WWOX: variants seen among roughly 807,000 people sequenced by gnomAD.
WWOX encodes WW domain containing oxidoreductase.
A neutral mutation model predicts 46.2 loss-of-function variants in WWOX; 69 were observed. The ratio of observed to expected loss-of-function variants is 1.49; its 90% CI spans 1.23 to 1.82. The LOEUF (loss-of-function observed/expected upper bound fraction) is 1.82. Ranked by LOEUF, WWOX falls within the 40% of genes most tolerant of loss-of-function variation. WWOX has a pLI of 0.00. For synonymous variants in WWOX, 359 were observed against 202.6 expected (o/e 1.77, Z -6.56); for missense variants, 919 against 542.6 (o/e 1.69, Z -6.89).
intron 8 of WWOX, among the ~76,000 whole-genome samples, chr16:78,436,137 G>A (rs1454512956): frequency 6.6e-6 from 1 of 152,084 alleles, no homozygotes; most frequent in South Asian, 2.1e-4. Flanking sequence ...TTCCTGCCAC[G>A]ATGGCTGTTA....
chr16:78,566,070 G>T (rs578065764), intron 8 of WWOX, among the ~76,000 whole-genome samples: 1 of 152,262 alleles, frequency 6.6e-6, no homozygotes, highest in East Asian at 1.9e-4. Context: ...GGCACATTCT[G>T]TGCCTGCCTG....
chr16:78,226,699 T>C (rs1337251512), intron 5 of WWOX, among the ~76,000 whole-genome samples: 2 of 152,140 alleles, frequency 1.3e-5, no homozygotes, highest in East Asian at 1.9e-4. Flanking sequence ...TCATTTATTG[T>C]CACACTGGAT....
chr16:78,872,263 C>G (rs979492070), intron 8 of WWOX, among the ~76,000 whole-genome samples: 6 of 152,200 alleles, frequency 3.9e-5, no homozygotes, highest in African/African-American at 1.4e-4. Flanking sequence ...GAAAAGTTTA[C>G]TTAATTTCTC....
At chr16:78,151,760 G>A (rs1276677051) in intron 4 of WWOX, among the ~76,000 whole-genome samples, 1 of 152,124 alleles carries the variant, frequency 6.6e-6, no homozygotes, top group Non-Finnish European at 1.5e-5. Context: ...AAGTAGCGTC[G>A]ACATTATGAA....
At chr16:78,913,911 T>A (rs550900869) in intron 8 of WWOX, among the ~76,000 whole-genome samples, 1 of 152,172 alleles carries the variant, frequency 6.6e-6, no homozygotes, top group East Asian at 1.9e-4. Context: ...TCCTCCTGCC[T>A]TGGCCTCCCA....
chr16:78,869,188 A>G (rs1231210270), intron 8 of WWOX, among the ~76,000 whole-genome samples: 3 of 152,172 alleles, frequency 2.0e-5, no homozygotes, highest in South Asian at 2.1e-4. Context: ...TGACTTATTC[A>G]TGTTCTGTGG....
rs12925149 is a variant in WWOX at position 78,412,639 on chromosome 16, G to C, written c.606-12231G>C. ...GAAGCCAAGACAGGAAAGTGAGCCA[G>C]AAGTGAGGGAGGAGCAGGATCCTCT... On this transcript the variant is annotated intron_variant, in intron 6 of 8. Transcript: ENST00000566780. Among the ~76,000 whole-genome samples, 1,191 of 152,270 alleles carry C rather than the reference G, an allele frequency of 7.8e-3. 11 individuals carry two copies. Among genetic ancestry groups the C allele is most frequent in the South Asian group, 0.015 (73 of 4,828 alleles).
chr16:78,276,233 A>T (rs1385336019), intron 5 of WWOX, among the ~76,000 whole-genome samples: 5 of 152,014 alleles, frequency 3.3e-5, no homozygotes, highest in Non-Finnish European at 7.4e-5. Flanking sequence ...CAGCTCTTAG[A>T]CTTGGGGTAG....
chr16:78,600,955 G>T (rs1256436342), intron 8 of WWOX, among the ~76,000 whole-genome samples: 2 of 152,194 alleles, frequency 1.3e-5, no homozygotes, highest in African/African-American at 4.8e-5. Flanking sequence ...ACCTGGGCAA[G>T]AGACTGCCTT....
intron 8 of WWOX, among the ~76,000 whole-genome samples, chr16:78,555,159 A>G (rs2044264028): frequency 1.0e-5 from 1 of 96,694 alleles, no homozygotes; most frequent in Non-Finnish European, 2.0e-5. Flanking sequence ...AGTTAATGCT[A>G]TGATTTTGTA....
At chr16:78,899,306 T>C (rs1239790149) in intron 8 of WWOX, 1 of 152,222 alleles carries the variant, frequency 6.6e-6, no homozygotes, top group African/African-American at 2.4e-5. Flanking sequence ...ATTTTTCTTA[T>C]TCTTACTATC....
intron 8 of WWOX, among the ~76,000 whole-genome samples, chr16:78,831,070 G>C (rs1021247086): frequency 6.6e-6 from 1 of 152,206 alleles, no homozygotes; most frequent in Non-Finnish European, 1.5e-5. Context: ...TTCTGTAAGA[G>C]AAGAAGGGAC....
chr16:78,818,793 G>A (rs913128571), intron 8 of WWOX, among the ~76,000 whole-genome samples: 7 of 152,212 alleles, frequency 4.6e-5, no homozygotes, highest in East Asian at 3.9e-4. Context: ...TTTCTGAATT[G>A]GAGCCAGTAT....
At chr16:78,545,135 C>T (rs753544662) in intron 8 of WWOX, among the ~76,000 whole-genome samples, 1 of 152,202 alleles carries the variant, frequency 6.6e-6, no homozygotes, top group Non-Finnish European at 1.5e-5. Context: ...CTGATTCCCT[C>T]AGCACTTTAG....
intron 8 of WWOX, among the ~76,000 whole-genome samples, chr16:79,162,630 C>T (rs769908957): frequency 2.0e-5 from 3 of 152,294 alleles, no homozygotes; most frequent in Middle Eastern, 3.4e-3. Context: ...AAACAGTTTG[C>T]CCTTGGACCA....
At chr16:78,639,646 C>T (rs2046656394) in intron 8 of WWOX, among the ~76,000 whole-genome samples, 1 of 152,068 alleles carries the variant, frequency 6.6e-6, no homozygotes, top group South Asian at 2.1e-4. Flanking sequence ...TCACTGCAAC[C>T]TCTGCCTCCC....
At chr16:78,451,237 G>A (rs1187882774) in intron 8 of WWOX, among the ~76,000 whole-genome samples, 1 of 152,206 alleles carries the variant, frequency 6.6e-6, no homozygotes, top group Admixed American at 6.5e-5. Flanking sequence ...GGGTCCTCAT[G>A]TTAGTCTGTA....
intron 8 of WWOX, among the ~76,000 whole-genome samples, chr16:78,562,253 C>G (rs1311980045): frequency 6.6e-6 from 1 of 152,318 alleles, no homozygotes; most frequent in East Asian, 1.9e-4. Context: ...GGAATGCTGC[C>G]TCTAGCTCTC....
rs112166402 is a variant in WWOX, at chr16:78,123,052, C to G, written c.409+7898C>G. ...GTTCTGTTCCTCTCAGTCCATCTTG[C>G]TTTCATTTTGGTTAAATAATGTCTT... On this transcript the variant is annotated intron_variant, in intron 4 of 8. Transcript: ENST00000566780. Among the ~76,000 whole-genome samples the G allele has an allele frequency of 7.6e-3, 1,161 of 152,160 alleles. 9 individuals are homozygous for G. The highest frequency in any genetic ancestry group is 0.012 in the Non-Finnish European group (812 of 68,020).
Sources: allele counts gnomAD v4.1 joint callset (sites outside exome capture counted in the v4.1 genomes callset), GRCh38; gene constraint gnomAD v4.1.1; transcripts MANE v1.5; gene names NCBI Gene and HGNC (gene_info 2026-07-23, HGNC 2026-07-21).